Variants in LRMDA observed in about 807,000 individuals in gnomAD.
The protein encoded by LRMDA is leucine rich melanocyte differentiation associated, also known as leucine-rich melanocyte differentiation-associated protein.
A neutral mutation model predicts 29.8 loss-of-function variants in LRMDA; 18 were observed. The ratio of observed to expected loss-of-function variants is 0.60; its 90% confidence interval spans 0.42 to 0.90. The LOEUF (loss-of-function observed/expected upper bound fraction) is 0.90. Among genes scored for constraint, LRMDA ranks in the 40% least tolerant of loss-of-function variants. LRMDA has a pLI of 0.00. For synonymous variants in LRMDA, 125 were observed against 109.4 expected (o/e 1.14, Z -0.89); for missense variants, 273 against 273.9 (o/e 1.00, Z 0.02).
At chr10:75,439,546 G>T (rs1844303497) in intron 2 of LRMDA, among the ~76,000 whole-genome samples, 1 of 152,206 alleles carries the variant, frequency 6.6e-6, no homozygotes, top group Non-Finnish European at 1.5e-5. Flanking sequence ...GGTGGAAGAG[G>T]ATTTGTTTGA....
intron 5 of LRMDA, among the ~76,000 whole-genome samples, chr10:76,223,745 TG>T (rs1411480302): frequency 1.3e-5 from 2 of 152,200 alleles, no homozygotes; most frequent in Non-Finnish European, 1.5e-5. Flanking sequence ...TCCAGAACTG[TG>T]AGAAAATTCC....
At chr10:76,151,662 A>G (rs992937908) in intron 5 of LRMDA, among the ~76,000 whole-genome samples, 1 of 152,202 alleles carries the variant, frequency 6.6e-6, no homozygotes, top group Non-Finnish European at 1.5e-5. Context: ...ACAAGAGAAA[A>G]GTATTTTTTG....
intron 5 of LRMDA, among the ~76,000 whole-genome samples, chr10:76,294,824 T>G (rs931876815): frequency 6.6e-6 from 1 of 152,216 alleles, no homozygotes. Context: ...TGAGGTTTGA[T>G]ATATACCAGC....
In LRMDA at chr10:76,336,258, T is replaced by C. The variant is rs185881458; in HGVS notation, c.601+11773T>C. Among the ~76,000 whole-genome samples, 486 of 152,338 alleles carry C rather than the reference T, an allele frequency of 3.2e-3. 1 individual carries two copies. Among genetic ancestry groups the C allele is most frequent in the African/African-American group, 0.011 (463 of 41,574 alleles). The stretch of plus-strand genomic sequence containing the variant: ...CTATGTCAGTGCTGGTTCAGCTTTT[T>C]CATAAAATGAAATCAGGGTTTCACC... On this transcript the variant is annotated intron_variant, in intron 6 of 6. Transcript: ENST00000611255.
intron 2 of LRMDA, among the ~76,000 whole-genome samples, chr10:75,867,413 G>A (rs544481479): frequency 6.6e-5 from 10 of 152,038 alleles, no homozygotes; most frequent in Non-Finnish European, 1.3e-4. Flanking sequence ...TGCCCGCCTC[G>A]GCCTCCCAAA....
At chr10:75,804,612 T>C (rs1736447582) in intron 2 of LRMDA, among the ~76,000 whole-genome samples, 1 of 152,208 alleles carries the variant, frequency 6.6e-6, no homozygotes, top group Non-Finnish European at 1.5e-5. Flanking sequence ...CTTCTCTCCC[T>C]TCCTGCTGCA....
intron 5 of LRMDA, among the ~76,000 whole-genome samples, chr10:76,154,864 C>T (rs1850509905): frequency 6.6e-6 from 1 of 152,146 alleles, no homozygotes; most frequent in South Asian, 2.1e-4. Context: ...TTTATAGTCC[C>T]TGTGGCAAAG....
intron 2 of LRMDA, among the ~76,000 whole-genome samples, chr10:75,805,125 G>A (rs1843828650): frequency 2.0e-5 from 3 of 152,196 alleles, no homozygotes; most frequent in African/African-American, 7.2e-5. Flanking sequence ...CTGGTGTGGC[G>A]ATGATTTTCT....
In LRMDA at chr10:75,431,730, C is replaced by G. The variant is rs1342803449; in HGVS notation, c.6C>G (p.Ala2=). ...CCCGCAGCGTCCTGGCCGCCATGGCCGGGCTCGTGGTGCGTGGAACTCAAG... is the reference window on the plus strand; with the variant it reads ...CCCGCAGCGTCCTGGCCGCCATGGCGGGGCTCGTGGTGCGTGGAACTCAAG... M[A]GLVVRGTQVS... is the part of the protein sequence containing the mutation. Residue 2 remains alanine (A), a synonymous_variant, in exon 1 of 7, where the codon GCC becomes GCG. Transcript: ENST00000611255. The G allele has an allele frequency of 1.2e-5, 16 of 1,360,022 alleles. No homozygotes were observed. The highest frequency in any genetic ancestry group is 3.0e-5 in the African/African-American group (2 of 66,798). 84.2% of individuals were successfully genotyped at this position (1,360,022 alleles called of 1,614,324 possible).
At chr10:75,517,518 T>C (rs1845305424) in intron 2 of LRMDA, among the ~76,000 whole-genome samples, 1 of 152,220 alleles carries the variant, frequency 6.6e-6, no homozygotes, top group Non-Finnish European at 1.5e-5. Context: ...TATTGCTATA[T>C]AGGAATGCTT....
intron 5 of LRMDA, among the ~76,000 whole-genome samples, chr10:76,159,165 A>G (rs898447698): frequency 6.6e-6 from 1 of 152,206 alleles, no homozygotes; most frequent in Non-Finnish European, 1.5e-5. Context: ...ATTATGCTGA[A>G]TAAAACAACC....
At chr10:76,244,660 A>G (rs1852341619) in intron 5 of LRMDA, among the ~76,000 whole-genome samples, 1 of 152,148 alleles carries the variant, frequency 6.6e-6, no homozygotes, top group African/African-American at 2.4e-5. Flanking sequence ...GAGAAGAGAC[A>G]ACACATGGGA....
At chr10:76,505,548 C>A (rs1181975672) in intron 6 of LRMDA, among the ~76,000 whole-genome samples, 1 of 152,024 alleles carries the variant, frequency 6.6e-6, no homozygotes, top group Non-Finnish European at 1.5e-5. Flanking sequence ...TTGGTCTATT[C>A]TGCTGTTAAT....
At chr10:76,555,466 G>A (rs11001819) in intron 6 of LRMDA, among the ~76,000 whole-genome samples, 61,236 of 151,898 alleles carry the variant, frequency 0.4, 13,060 homozygotes, top group Non-Finnish European at 0.48. Flanking sequence ...TAAAACTAAT[G>A]AGAGTGAGCC....
At chr10:76,026,917 C>T (rs1848072356) in intron 2 of LRMDA, among the ~76,000 whole-genome samples, 1 of 152,194 alleles carries the variant, frequency 6.6e-6, no homozygotes, top group Non-Finnish European at 1.5e-5. Flanking sequence ...GAGGGCAGCT[C>T]ATCCTTTAGT....
chr10:76,280,768 A>G (rs1427078411), intron 5 of LRMDA, among the ~76,000 whole-genome samples: 2 of 151,810 alleles, frequency 1.3e-5, no homozygotes, highest in Non-Finnish European at 2.9e-5. Flanking sequence ...ATATGAGAAA[A>G]CCTCCGTAAA....
intron 6 of LRMDA, among the ~76,000 whole-genome samples, chr10:76,369,677 T>A (rs1841430810): frequency 6.6e-6 from 1 of 152,054 alleles, no homozygotes; most frequent in African/African-American, 2.4e-5. Context: ...GCCGGGAGAG[T>A]TTGCTTTGAT....
At chr10:75,747,893 T>C (rs1172093976) in intron 2 of LRMDA, among the ~76,000 whole-genome samples, 3 of 152,188 alleles carry the variant, frequency 2.0e-5, no homozygotes, top group African/African-American at 4.8e-5. Flanking sequence ...TTTAATAAAG[T>C]AAAACAAGAA....
At chr10:76,364,301 G>T (rs1841363163) in intron 6 of LRMDA, among the ~76,000 whole-genome samples, 1 of 152,092 alleles carries the variant, frequency 6.6e-6, no homozygotes, top group Admixed American at 6.5e-5. Context: ...GACAGAGAAA[G>T]GGACAACTTT....
Sources: allele counts gnomAD v4.1 joint callset (sites outside exome capture counted in the v4.1 genomes callset), GRCh38; gene constraint gnomAD v4.1.1; transcripts MANE v1.5; gene names NCBI Gene and HGNC (gene_info 2026-07-23, HGNC 2026-07-21).